OPCML: variants seen among roughly 807,000 people sequenced by gnomAD.
OPCML encodes opioid binding protein/cell adhesion molecule like, also known as opioid-binding protein/cell adhesion molecule.
Under a neutral mutation model 37.8 loss-of-function variants are expected in OPCML, and 13 were observed. That is an observed-to-expected ratio of 0.34 (90% CI 0.22 to 0.55). OPCML has a LOEUF of 0.55. Among genes scored for constraint, OPCML ranks in the 20% least tolerant of loss-of-function variants. The pLI is 0.91. For synonymous variants in OPCML, 176 were observed against 168.8 expected (o/e 1.04, Z -0.33); for missense variants, 341 against 435.6 (o/e 0.78, Z 1.93).
At chr11:133,203,309 G>A (rs1938884240) in intron 1 of OPCML, among the ~76,000 whole-genome samples, 1 of 152,218 alleles carries the variant, frequency 6.6e-6, no homozygotes. Context: ...CAGAGACCTA[G>A]AGTAGATTCT....
At chr11:133,463,242 G>A (rs186127930) in intron 1 of OPCML, among the ~76,000 whole-genome samples, 2 of 151,910 alleles carry the variant, frequency 1.3e-5, no homozygotes, top group African/African-American at 2.4e-5. Flanking sequence ...ACCAGGGAAA[G>A]GTCAGAGAGG....
intron 2 of OPCML, among the ~76,000 whole-genome samples, chr11:132,842,017 G>A (rs2136305024): frequency 6.6e-6 from 1 of 152,182 alleles, no homozygotes; most frequent in Non-Finnish European, 1.5e-5. Context: ...TGTTTGAGGT[G>A]ACAGGCTCTC....
chr11:133,012,092 G>A (rs902264582), intron 1 of OPCML, among the ~76,000 whole-genome samples: 1 of 152,146 alleles, frequency 6.6e-6, no homozygotes, highest in African/African-American at 2.4e-5. Flanking sequence ...CTTAACAGGG[G>A]ACATTGGGCA....
chr11:132,479,509 G>A (rs905053601), intron 4 of OPCML, among the ~76,000 whole-genome samples: 2 of 152,218 alleles, frequency 1.3e-5, no homozygotes, highest in African/African-American at 2.4e-5. Context: ...AGCTCGAACT[G>A]GGTGGAGCCC....
chr11:133,117,235 G>GT (rs1167444492), intron 1 of OPCML, among the ~76,000 whole-genome samples: 1 of 152,150 alleles, frequency 6.6e-6, no homozygotes, highest in African/African-American at 2.4e-5. Flanking sequence ...CCATGAAGAT[G>GT]TTCTAGGTTC....
At chr11:132,934,697 A>G (rs781707566) in intron 2 of OPCML, among the ~76,000 whole-genome samples, 2 of 151,828 alleles carry the variant, frequency 1.3e-5, no homozygotes, top group South Asian at 2.1e-4. Flanking sequence ...TTCAACTTCT[A>G]CTTCTGGAAT....
chr11:133,130,115 A>G (rs1378331581), intron 1 of OPCML, among the ~76,000 whole-genome samples: 1 of 152,096 alleles, frequency 6.6e-6, no homozygotes. Flanking sequence ...GCAAACAATC[A>G]TCTAAGCCAT....
At chr11:133,323,936 A>G (rs571771936) in intron 1 of OPCML, among the ~76,000 whole-genome samples, 10 of 152,294 alleles carry the variant, frequency 6.6e-5, no homozygotes, top group Admixed American at 2.0e-4. Context: ...GTTGTCCAGG[A>G]TTCTAAATCA....
At chr11:132,909,282 G>A (rs1216722729) in intron 2 of OPCML, among the ~76,000 whole-genome samples, 1 of 152,226 alleles carries the variant, frequency 6.6e-6, no homozygotes, top group South Asian at 2.1e-4. Flanking sequence ...CAGACCTCAA[G>A]GGCTGAGTGT....
At chr11:133,484,930 A>T (rs1054737582) in intron 1 of OPCML, among the ~76,000 whole-genome samples, 1 of 152,114 alleles carries the variant, frequency 6.6e-6, no homozygotes, top group East Asian at 1.9e-4. Context: ...AAAAATAGGA[A>T]AAAAGGAAAT....
chr11:133,487,769 C>CTGTGTT (rs961492436), intron 1 of OPCML, among the ~76,000 whole-genome samples: 7 of 139,314 alleles, frequency 5.0e-5, no homozygotes, highest in Non-Finnish European at 9.1e-5. Context: ...CAGAGATACT[C>CTGTGTT]TGTGTTTGTG....
chr11:133,433,443 T>C (rs1946168444), intron 1 of OPCML, among the ~76,000 whole-genome samples: 1 of 152,206 alleles, frequency 6.6e-6, no homozygotes, highest in Admixed American at 6.5e-5. Flanking sequence ...CTGACTTTTC[T>C]TCATGGTGGT....
intron 1 of OPCML, among the ~76,000 whole-genome samples, chr11:133,328,885 G>A (rs1943546668): frequency 6.6e-6 from 1 of 152,182 alleles, no homozygotes; most frequent in African/African-American, 2.4e-5. Flanking sequence ...AAAAGAGGAA[G>A]TCAAATTGTC....
At chr11:133,256,973 A>G (rs1489624679) in intron 1 of OPCML, among the ~76,000 whole-genome samples, 1 of 152,188 alleles carries the variant, frequency 6.6e-6, no homozygotes, top group Non-Finnish European at 1.5e-5. Context: ...AAAACAAAAA[A>G]CAAGAAGAAT....
intron 2 of OPCML, among the ~76,000 whole-genome samples, chr11:132,938,936 C>G (rs575508751): frequency 2.4e-4 from 36 of 152,310 alleles, no homozygotes; most frequent in African/African-American, 8.4e-4. Context: ...TTGACATCAT[C>G]AATCTGGGAG....
At chr11:132,912,929 A>G (rs1204091539) in intron 2 of OPCML, among the ~76,000 whole-genome samples, 1 of 152,334 alleles carries the variant, frequency 6.6e-6, no homozygotes, top group African/African-American at 2.4e-5. Context: ...TATCAAATAT[A>G]TGTCAGGGAC....
At chr11:133,281,324 T>G (rs76556426) in intron 1 of OPCML, among the ~76,000 whole-genome samples, 3 of 151,984 alleles carry the variant, frequency 2.0e-5, no homozygotes, top group African/African-American at 7.3e-5. Flanking sequence ...CTTAAGGTAA[T>G]GTGGAGTTCT....
intron 1 of OPCML, among the ~76,000 whole-genome samples, chr11:133,095,576 A>G (rs994459461): frequency 2.7e-5 from 4 of 146,888 alleles, no homozygotes; most frequent in Non-Finnish European, 6.0e-5. Flanking sequence ...TATTTAAAGT[A>G]TATCTAGTAT....
intron 2 of OPCML, 119 bp from the exon 3 acceptor site, chr11:132,657,438 A>G (rs1023069159): frequency 5.5e-6 from 8 of 1,447,484 alleles, no homozygotes; most frequent in Non-Finnish European, 7.3e-6. Context: ...AACAAAACAC[A>G]GTGCTAAAAG....
Sources: allele counts gnomAD v4.1 joint callset (sites outside exome capture counted in the v4.1 genomes callset), GRCh38; gene constraint gnomAD v4.1.1; transcripts MANE v1.5; gene names NCBI Gene and HGNC (gene_info 2026-07-23, HGNC 2026-07-21).